SPAG17: variants seen among roughly 807,000 people sequenced by gnomAD.
The protein encoded by SPAG17 is sperm-associated antigen 17.
A neutral mutation model predicts 273.6 loss-of-function variants in SPAG17; 169 were observed. That is an observed-to-expected ratio of 0.62 (90% CI 0.55 to 0.70). SPAG17 has a LOEUF of 0.70. Ranked by LOEUF, SPAG17 falls within the 30% of genes least tolerant of loss-of-function variation. The pLI, the probability that SPAG17 is intolerant of heterozygous loss-of-function variation, is 0.00. For synonymous variants in SPAG17, 825 were observed against 873.2 expected (o/e 0.94, Z 0.97); for missense variants, 2,557 against 2,627.8 (o/e 0.97, Z 0.59).
At chr1:118,173,442 A>T (rs1266557267) in intron 1 of SPAG17, among the ~76,000 whole-genome samples, 2 of 152,110 alleles carry the variant, frequency 1.3e-5, no homozygotes, top group African/African-American at 4.8e-5. Context: ...CAGAGCTCAG[A>T]CAGGGAACAG....
At chr1:118,127,694 T>C (rs1657816327) in intron 3 of SPAG17, among the ~76,000 whole-genome samples, 1 of 152,252 alleles carries the variant, frequency 6.6e-6, no homozygotes, top group African/African-American at 2.4e-5. Flanking sequence ...CTTTGGGTAG[T>C]ATGGTCATTT....
rs1224498551 is a variant in SPAG17, at chr1:118,081,140, C to A, written c.2170G>T (p.Glu724Ter). The change falls in exon 15 of 49, where the codon GAG (glutamate) becomes TAG (stop). Residue 724 changes from glutamate (E) to a stop codon, truncating the protein, a stop_gained. Coordinates refer to ENST00000336338, the MANE Select transcript of SPAG17 (RefSeq NM_206996.4). LOFTEE classifies it high-confidence loss of function. ...TGGGGCTGAGCCTTCATGATGCTCT[C>A]CTGCTCTAACAGCTGTCTATTATCA... ...VPDNRQLLEQ[E>*]SIMKAQPQHE... The A allele has an allele frequency of 6.2e-7, 1 of 1,613,898 alleles. No homozygotes were observed. The highest frequency in any genetic ancestry group is 1.3e-5 in the African/African-American group (1 of 74,892).
At chr1:118,108,646 G>A (rs1350401273) in intron 4 of SPAG17, among the ~76,000 whole-genome samples, 2 of 151,270 alleles carry the variant, frequency 1.3e-5, no homozygotes, top group African/African-American at 2.4e-5. Context: ...TCTCCACGAT[G>A]TTTGAGGAAC....
chr1:118,125,895 G>A (rs1447733318), intron 3 of SPAG17, among the ~76,000 whole-genome samples: 2 of 152,036 alleles, frequency 1.3e-5, no homozygotes, highest in African/African-American at 4.8e-5. Flanking sequence ...ACCTAATAGG[G>A]GAATGGTGGA....
intron 1 of SPAG17, among the ~76,000 whole-genome samples, chr1:118,165,895 G>C (rs778864596): frequency 6.6e-6 from 1 of 151,944 alleles, no homozygotes; most frequent in East Asian, 1.9e-4. Context: ...CACCCGCCTC[G>C]GCCTCCCAAA....
At chr1:118,184,483 T>C (rs1036372387) in intron 1 of SPAG17, among the ~76,000 whole-genome samples, 2 of 152,152 alleles carry the variant, frequency 1.3e-5, no homozygotes, top group African/African-American at 4.8e-5. Flanking sequence ...TGTGGGTAAG[T>C]TGGCCGCCAA....
chr1:118,001,448 C>T (rs548920704), intron 32 of SPAG17, among the ~76,000 whole-genome samples: 1 of 152,212 alleles, frequency 6.6e-6, no homozygotes, highest in South Asian at 2.1e-4. Flanking sequence ...TCTGTCTGGT[C>T]CTGGACTTTT....
At chr1:118,069,215 C>T (rs374815537) in intron 17 of SPAG17, among the ~76,000 whole-genome samples, 6 of 151,888 alleles carry the variant, frequency 4.0e-5, no homozygotes, top group African/African-American at 1.2e-4. Context: ...TATGGTGGCA[C>T]GTGCCTATAG....
At chr1:118,177,413 T>C (rs1660744679) in intron 1 of SPAG17, among the ~76,000 whole-genome samples, 1 of 152,156 alleles carries the variant, frequency 6.6e-6, no homozygotes, top group Admixed American at 6.5e-5. Flanking sequence ...GATTCAATTA[T>C]CTTCATCTGG....
intron 6 of SPAG17, 26 bp downstream of exon 6, chr1:118,099,580 A>G: frequency 1.2e-6 from 2 of 1,604,650 alleles, no homozygotes; most frequent in South Asian, 1.1e-5. Flanking sequence ...TGAAGGACTC[A>G]GTAAGTTGTG....
chr1:118,155,015 G>C (rs1659577389), intron 1 of SPAG17, among the ~76,000 whole-genome samples: 1 of 152,138 alleles, frequency 6.6e-6, no homozygotes, highest in Non-Finnish European at 1.5e-5. Context: ...AGGAAATCAA[G>C]TCGGCTGCTT....
intron 5 of SPAG17, among the ~76,000 whole-genome samples, chr1:118,100,088 T>C (rs531729106): frequency 6.6e-6 from 1 of 152,358 alleles, no homozygotes; most frequent in South Asian, 2.1e-4. Context: ...AAATGTGTGC[T>C]TGGGTTTTTG....
intron 5 of SPAG17, among the ~76,000 whole-genome samples, 181 bp from the exon 6 acceptor site, chr1:118,099,981 G>A (rs1655958483): frequency 6.6e-6 from 1 of 152,182 alleles, no homozygotes; most frequent in South Asian, 2.1e-4. Context: ...CTTCCAGTAA[G>A]ACGGCTGTGA....
chr1:118,070,698 T>C (rs1016722365), intron 17 of SPAG17, among the ~76,000 whole-genome samples: 1 of 152,232 alleles, frequency 6.6e-6, no homozygotes, highest in Admixed American at 6.5e-5. Flanking sequence ...TAAATGTTAA[T>C]GATATATTAT....
chr1:117,982,930 T>C (rs1458522376), intron 42 of SPAG17, among the ~76,000 whole-genome samples: 1 of 152,198 alleles, frequency 6.6e-6, no homozygotes. Context: ...TGCATTTTGG[T>C]AGACATTTTT....
intron 40 of SPAG17, among the ~76,000 whole-genome samples, chr1:117,985,813 C>A (rs375534995): frequency 1.3e-5 from 2 of 152,212 alleles, no homozygotes; most frequent in African/African-American, 4.8e-5. Context: ...AGTTGAAAAA[C>A]CAAAGCATAG....
At chr1:118,063,997 A>C (rs1557976417) in intron 18 of SPAG17, among the ~76,000 whole-genome samples, 1 of 152,194 alleles carries the variant, frequency 6.6e-6, no homozygotes, top group Non-Finnish European at 1.5e-5. Flanking sequence ...ACTCATCATC[A>C]CTGGTCATCA....
At chr1:118,084,911 A>C (rs570794244) in intron 13 of SPAG17, among the ~76,000 whole-genome samples, 10 of 152,272 alleles carry the variant, frequency 6.6e-5, no homozygotes, top group South Asian at 6.2e-4. Context: ...GATTAATTCC[A>C]AGGTTTCTTT....
intron 29 of SPAG17, among the ~76,000 whole-genome samples, chr1:118,013,725 A>T (rs184745943): frequency 2.6e-5 from 4 of 152,294 alleles, no homozygotes; most frequent in Non-Finnish European, 1.5e-5. Context: ...ATTTAGAATT[A>T]TTGAAACATT....
Sources: allele counts gnomAD v4.1 joint callset (sites outside exome capture counted in the v4.1 genomes callset), GRCh38; gene constraint gnomAD v4.1.1; transcripts MANE v1.5; gene names NCBI Gene and HGNC (gene_info 2026-07-23, HGNC 2026-07-21).